KCNQ5: variants seen among roughly 807,000 people sequenced by gnomAD.
KCNQ5 encodes the protein potassium voltage-gated channel subfamily KQT member 5.
In KCNQ5, 30 loss-of-function variants were observed where a neutral mutation model predicts 98.2. The observed-to-expected ratio is 0.31, with a 90% CI of 0.23 to 0.41. The LOEUF is 0.41. Ranked by LOEUF, KCNQ5 falls within the 10% of genes least tolerant of loss-of-function variation. The pLI is 1.00. For synonymous variants in KCNQ5, 458 were observed against 449.4 expected (o/e 1.02, Z -0.24); for missense variants, 835 against 1,182.5 (o/e 0.71, Z 4.31).
intron 3 of KCNQ5, among the ~76,000 whole-genome samples, chr6:73,054,857 G>A (rs1037948557): frequency 2.0e-5 from 3 of 152,202 alleles, no homozygotes; most frequent in Admixed American, 6.5e-5. Flanking sequence ...AATCAGGCAA[G>A]AGAAAGATAT....
chr6:72,651,349 A>C lies in KCNQ5; in HGVS notation c.398+28762A>C, dbSNP rs534993929. Among the ~76,000 whole-genome samples the C allele has an allele frequency of 2.6e-5, 4 of 152,216 alleles. No individual in the cohort carries two copies. The South Asian group carries it at 8.3e-4, about 32-fold the overall frequency. On this transcript the variant is annotated intron_variant, in intron 1 of 13. Transcript: ENST00000370398. ...GCATAGATAGATACTCTGTAATTAC[A>C]AAGAAATGTACTTGGGCTATGACTC...
intron 1 of KCNQ5, among the ~76,000 whole-genome samples, chr6:72,900,803 C>T (rs138712096): frequency 3.9e-5 from 6 of 152,038 alleles, no homozygotes; most frequent in Non-Finnish European, 5.9e-5. Flanking sequence ...ACTGCATCCA[C>T]GCCAACACCT....
chr6:73,122,917 G>A (rs1775801413), intron 8 of KCNQ5, among the ~76,000 whole-genome samples: 1 of 152,194 alleles, frequency 6.6e-6, no homozygotes, highest in Non-Finnish European at 1.5e-5. Context: ...TTACATTTAA[G>A]TGGCTTACCG....
At chr6:73,076,311 G>A (rs1773540437) in intron 3 of KCNQ5, among the ~76,000 whole-genome samples, 1 of 152,174 alleles carries the variant, frequency 6.6e-6, no homozygotes, top group African/African-American at 2.4e-5. Context: ...CCTCTTTGGA[G>A]TGTGGAAGCC....
rs1765834078 is a variant in KCNQ5 at position 73,197,583 on chromosome 6, ACACACAC to A, written c.*2170_*2176del. ...TCCCCCTTGCAAGAATGTTGCATAC[ACACACAC>A]ACACACACACACACACACACACACA... On this transcript the variant is annotated 3_prime_UTR_variant, in exon 14 of 14. Transcript: ENST00000370398. 1 of 23,542 alleles carries A rather than the reference ACACACAC, an allele frequency of 4.2e-5. No homozygotes were observed. The highest frequency in any genetic ancestry group is 1.2e-4 in the African/African-American group (1 of 8,410). The allele number at this position is 23,542 out of a possible 1,614,324, so 1.5% of individuals were successfully genotyped here. A position where few individuals can be genotyped will look rare whatever the true frequency, so the allele number is the denominator to read the frequency against.
chr6:72,968,026 C>T (rs1041590201), intron 1 of KCNQ5, among the ~76,000 whole-genome samples: 3 of 152,146 alleles, frequency 2.0e-5, no homozygotes, highest in Admixed American at 1.3e-4. Flanking sequence ...TTCTCCTTAG[C>T]GACCCCAACA....
At chr6:72,786,711 AAATGAG>A (rs1473792906) in intron 1 of KCNQ5, among the ~76,000 whole-genome samples, 1 of 152,200 alleles carries the variant, frequency 6.6e-6, no homozygotes, top group Non-Finnish European at 1.5e-5. Context: ...GGTGTATTAG[AAATGAG>A]AATCCTGGGC....
intron 1 of KCNQ5, among the ~76,000 whole-genome samples, chr6:72,836,572 G>C (rs1776512139): frequency 6.6e-6 from 1 of 151,996 alleles, no homozygotes; most frequent in Non-Finnish European, 1.5e-5. Flanking sequence ...CCAAGTAGCT[G>C]GGACTACACA....
intron 1 of KCNQ5, among the ~76,000 whole-genome samples, chr6:72,954,765 T>C (rs904156308): frequency 7.2e-5 from 11 of 152,162 alleles, no homozygotes; most frequent in Admixed American, 2.6e-4. Context: ...TTAGTTTAAA[T>C]GGTTGGTTCC....
chr6:72,640,232 ACC>A (rs1215845389), intron 1 of KCNQ5, among the ~76,000 whole-genome samples: 1 of 151,978 alleles, frequency 6.6e-6, no homozygotes, highest in Non-Finnish European at 1.5e-5. Context: ...AACATGTGTG[ACC>A]TTGACCTTGG....
chr6:73,059,395 C>T (rs571199313), intron 3 of KCNQ5, among the ~76,000 whole-genome samples: 11 of 152,156 alleles, frequency 7.2e-5, no homozygotes, highest in South Asian at 2.1e-4. Flanking sequence ...GAACAACAGA[C>T]GCGTAAGCCT....
At chr6:72,640,881 T>C (rs1216444152) in intron 1 of KCNQ5, 1 of 152,172 alleles carries the variant, frequency 6.6e-6, no homozygotes, top group East Asian at 1.9e-4. Context: ...AAAGGTACTC[T>C]ATAATTCTTA....
Position 73,058,077 on chromosome 6 carries a change from T to C in KCNQ5, c.616+16015T>C, listed in dbSNP as rs187954826. Among the ~76,000 whole-genome samples the C allele has an allele frequency of 1.9e-4, 29 of 152,252 alleles. No individual in the cohort carries two copies. In the East Asian group the frequency reaches 3.7e-3, roughly 19 times the overall value. The stretch of plus-strand genomic sequence containing the variant: ...GAAATTGGACCCCTTGTTTATACCA[T>C]ATACAAAAATCAACTCAAGATGGGT... On this transcript the variant is annotated intron_variant, in intron 3 of 13. Coordinates refer to ENST00000370398, the MANE Select transcript of KCNQ5 (RefSeq NM_019842.4).
At chr6:72,962,764 T>C (rs1767436788) in intron 1 of KCNQ5, among the ~76,000 whole-genome samples, 1 of 152,168 alleles carries the variant, frequency 6.6e-6, no homozygotes, top group Non-Finnish European at 1.5e-5. Context: ...GTGAGGCCAC[T>C]GGAGCCAGGA....
chr6:72,666,857 C>T (rs1170980433), intron 1 of KCNQ5, among the ~76,000 whole-genome samples: 1 of 152,068 alleles, frequency 6.6e-6, no homozygotes, highest in East Asian at 1.9e-4. Flanking sequence ...GAACTAACTC[C>T]TAGGGTTCCA....
intron 2 of KCNQ5, among the ~76,000 whole-genome samples, chr6:73,014,512 A>T (rs76557692): frequency 6.6e-6 from 1 of 152,020 alleles, no homozygotes; most frequent in Admixed American, 6.6e-5. Flanking sequence ...TGAGTACTCT[A>T]TCCAGGCTTT....
At chr6:73,134,622 C>T (rs1476229511) in intron 10 of KCNQ5, among the ~76,000 whole-genome samples, 1 of 152,250 alleles carries the variant, frequency 6.6e-6, no homozygotes, top group Non-Finnish European at 1.5e-5. Flanking sequence ...ATCTCTTCCA[C>T]GCTCAAGTGA....
intron 1 of KCNQ5, among the ~76,000 whole-genome samples, chr6:72,629,236 T>A (rs2098919534): frequency 6.6e-6 from 1 of 152,192 alleles, no homozygotes; most frequent in Non-Finnish European, 1.5e-5. Context: ...ACATATATAT[T>A]CTATTCTGAA....
intron 1 of KCNQ5, among the ~76,000 whole-genome samples, chr6:72,688,415 G>T (rs894650327): frequency 6.6e-6 from 1 of 151,890 alleles, no homozygotes; most frequent in Non-Finnish European, 1.5e-5. Context: ...GCTTCTTCTT[G>T]TTTATGCTTT....
Sources: allele counts gnomAD v4.1 joint callset (sites outside exome capture counted in the v4.1 genomes callset), GRCh38; gene constraint gnomAD v4.1.1; transcripts MANE v1.5; gene names NCBI Gene and HGNC (gene_info 2026-07-23, HGNC 2026-07-21).